RIN3: variants seen among roughly 807,000 people sequenced by gnomAD.
RIN3 encodes RAB5 interacting protein 3.
In RIN3, 54 loss-of-function variants were observed where a neutral mutation model predicts 76.3. That is an observed-to-expected ratio of 0.71 (90% confidence interval 0.57 to 0.89). The LOEUF is 0.89. Ranked by LOEUF, RIN3 falls within the 40% of genes least tolerant of loss-of-function variation. The pLI is 0.00. For missense variants in RIN3, 1,256 were observed against 1,322.1 expected (o/e 0.95, Z 0.78); for synonymous variants, 576 against 564.0 (o/e 1.02, Z -0.30).
At chr14:92,515,592 A>T (rs959717334) in intron 1 of RIN3, 4 of 331,832 alleles carry the variant, frequency 1.2e-5, no homozygotes, top group Non-Finnish European at 1.6e-5. Flanking sequence ...AATCATAATT[A>T]TCACCATTAT....
At position 92,676,824 on chromosome 14, in the gene RIN3, C is replaced by T. The variant is rs528052071; in HGVS notation, c.2467+218C>T. ...CAGTCAAGAGACTGTGCCACCTCCACGTAACAAGTGCTGGAATAGTTGGAA... is the reference window on the plus strand; with the variant it reads ...CAGTCAAGAGACTGTGCCACCTCCATGTAACAAGTGCTGGAATAGTTGGAA... On this transcript the variant is annotated intron_variant, in intron 8 of 9. Coordinates refer to ENST00000216487, the MANE Select transcript of RIN3 (RefSeq NM_024832.5). 5.9e-5 allele frequency among the ~76,000 whole-genome samples: 9 copies of T among 152,226 alleles called. No homozygotes were observed. The South Asian group carries it at 1.5e-3, about 25-fold the overall frequency.
chr14:92,552,156 G>A (rs1330578958), intron 1 of RIN3, among the ~76,000 whole-genome samples: 1 of 152,194 alleles, frequency 6.6e-6, no homozygotes, highest in Non-Finnish European at 1.5e-5. Context: ...TTTAGGCAGT[G>A]GAATCCATTG....
intron 4 of RIN3, among the ~76,000 whole-genome samples, chr14:92,631,155 T>C (rs1267781135): frequency 3.3e-5 from 5 of 152,202 alleles, no homozygotes; most frequent in Non-Finnish European, 5.9e-5. Context: ...ACCACAGGCC[T>C]GGTCCTGAGC....
In RIN3 at chr14:92,648,513, C is replaced by T. The variant is rs1332053293; in HGVS notation, c.533-3069C>T. Among the ~76,000 whole-genome samples the T allele has an allele frequency of 6.6e-6, 1 of 152,148 alleles. No individual in the cohort carries two copies. The highest frequency in any genetic ancestry group is 1.5e-5 in the Non-Finnish European group (1 of 68,042). ...TGTATTTACACATCCTCCCATGGTT[C>T]AGGTTGTCCCCATCTTGCCCTTGAA... On this transcript the variant is annotated intron_variant, in intron 5 of 9. Coordinates refer to ENST00000216487, the MANE Select transcript of RIN3 (RefSeq NM_024832.5). The surrounding 1 kb of genome is among the most constrained non-coding windows in gnomAD (Gnocchi z 4.1).
Position 92,659,482 on chromosome 14 carries a change from C to T in RIN3, c.2335+13C>T. On this transcript the variant is annotated intron_variant, in intron 7 of 9. Coordinates refer to ENST00000216487, the MANE Select transcript of RIN3 (RefSeq NM_024832.5). ...CTCGGCAACCCAGGTCAGTGGGCAG[C>T]CGGGAGGGGTCTGGGTGAGGAGCTC... 5.1e-6 allele frequency: 8 copies of T among 1,582,368 alleles called. No homozygotes were observed. Among genetic ancestry groups the T allele is most frequent in the East Asian group, 2.2e-5 (1 of 44,792 alleles).
At chr14:92,638,708 G>A (rs1886867007) in intron 4 of RIN3, among the ~76,000 whole-genome samples, 1 of 152,178 alleles carries the variant, frequency 6.6e-6, no homozygotes, top group Non-Finnish European at 1.5e-5. Flanking sequence ...CCTGAGATGG[G>A]AGTGCAGCAC....
At chr14:92,646,627 A>T (rs1887209787) in intron 5 of RIN3, among the ~76,000 whole-genome samples, 3 of 152,144 alleles carry the variant, frequency 2.0e-5, no homozygotes, top group Non-Finnish European at 4.4e-5. Flanking sequence ...TTTAGTAGAG[A>T]TGGAGTTTCA....
intron 1 of RIN3, among the ~76,000 whole-genome samples, chr14:92,545,619 C>T (rs1595403164): frequency 7.6e-6 from 1 of 132,294 alleles, no homozygotes; most frequent in African/African-American, 2.9e-5. Context: ...CTTACTCTGT[C>T]ACTGAGGCTG....
intron 3 of RIN3, among the ~76,000 whole-genome samples, chr14:92,596,075 A>G (rs765382592): frequency 3.3e-5 from 5 of 152,120 alleles, no homozygotes; most frequent in Non-Finnish European, 1.5e-5. Context: ...ATCCTGTTAC[A>G]TGTTTTATTG....
chr14:92,570,105 A>G (rs34273097), intron 2 of RIN3, among the ~76,000 whole-genome samples: 54,581 of 152,112 alleles, frequency 0.36, 10,520 homozygotes, highest in East Asian at 0.46. Flanking sequence ...TGTCCCCTGC[A>G]CGTGCAACAC....
chr14:92,603,484 G>A (rs1412034401), intron 3 of RIN3, among the ~76,000 whole-genome samples: 4 of 152,144 alleles, frequency 2.6e-5, no homozygotes, highest in African/African-American at 7.2e-5. Flanking sequence ...TGTGGGAGGG[G>A]CTCAGTTACT....
intron 2 of RIN3, among the ~76,000 whole-genome samples, chr14:92,570,854 C>T (rs572055678): frequency 6.6e-6 from 1 of 152,146 alleles, no homozygotes; most frequent in Non-Finnish European, 1.5e-5. Context: ...CATATGAGAC[C>T]ACTGCATGCC....
chr14:92,682,810 A>G (rs528126342), intron 8 of RIN3, among the ~76,000 whole-genome samples: 22 of 152,296 alleles, frequency 1.4e-4, no homozygotes, highest in African/African-American at 5.1e-4. Flanking sequence ...GCACAGTTCA[A>G]TTAGGTAGAA....
intron 3 of RIN3, among the ~76,000 whole-genome samples, chr14:92,583,551 A>T (rs1220805885): frequency 2.0e-5 from 3 of 152,276 alleles, no homozygotes; most frequent in Admixed American, 6.5e-5. Context: ...GATCAAAAAT[A>T]TTCAAAGAAA....
intron 1 of RIN3, 84 bp from the exon 2 acceptor site, chr14:92,555,667 G>T: frequency 1.5e-6 from 2 of 1,290,544 alleles, no homozygotes; most frequent in Non-Finnish European, 2.2e-6. Flanking sequence ...GAATAAGTAA[G>T]CGTGGCTGAA....
At chr14:92,524,726 C>G (rs536131469) in intron 1 of RIN3, among the ~76,000 whole-genome samples, 29 of 152,330 alleles carry the variant, frequency 1.9e-4, no homozygotes, top group Admixed American at 1.5e-3. Flanking sequence ...AACTCTTCAT[C>G]CAGCCCCTGC....
At chr14:92,527,269 G>T (rs1441353807) in intron 1 of RIN3, among the ~76,000 whole-genome samples, 1 of 149,116 alleles carries the variant, frequency 6.7e-6, no homozygotes. Context: ...AGCCACAATG[G>T]TCTCGATCTC....
At chr14:92,580,358 C>A (rs747928021) in intron 3 of RIN3, among the ~76,000 whole-genome samples, 6 of 152,230 alleles carry the variant, frequency 3.9e-5, no homozygotes, top group Non-Finnish European at 7.3e-5. Context: ...GAGTGAGACT[C>A]CGTCTCAACA....
At chr14:92,579,003 C>T (rs1898347027) in intron 3 of RIN3, among the ~76,000 whole-genome samples, 1 of 151,992 alleles carries the variant, frequency 6.6e-6, no homozygotes, top group South Asian at 2.1e-4. Flanking sequence ...TCTTGGCTCA[C>T]TGCAACCTCC....
Sources: allele counts gnomAD v4.1 joint callset (sites outside exome capture counted in the v4.1 genomes callset), GRCh38; gene constraint gnomAD v4.1.1; non-coding constraint Gnocchi (gnomAD v3.1); transcripts MANE v1.5; gene names NCBI Gene and HGNC (gene_info 2026-07-23, HGNC 2026-07-21).